PRUNE2: variants seen among roughly 807,000 people sequenced by gnomAD.
PRUNE2 encodes protein prune homolog 2.
PRUNE2 carries 164 observed loss-of-function variants against 252.0 expected under a neutral mutation model. That is an observed-to-expected ratio of 0.65 (90% CI 0.57 to 0.74). The LOEUF (loss-of-function observed/expected upper bound fraction) is 0.74, where lower values mean the gene tolerates loss of function less well. Among genes scored for constraint, PRUNE2 ranks in the 30% least tolerant of loss-of-function variants. The probability of loss-of-function intolerance (pLI) is 0.00; values close to 1 mark genes in which losing one functional copy is unlikely to be tolerated. For missense variants in PRUNE2, 3,495 were observed against 3,711.0 expected, an observed-to-expected ratio of 0.94 and a Z score of 1.51; for synonymous variants, 1,292 against 1,350.2, an observed-to-expected ratio of 0.96 and a Z score of 0.94.
intron 9 of PRUNE2, among the ~76,000 whole-genome samples, chr9:76,657,775 G>T (rs1849787454): frequency 6.6e-6 from 1 of 152,182 alleles, no homozygotes; most frequent in Non-Finnish European, 1.5e-5. Context: ...TATGTGTCAT[G>T]GTTGGACAAA....
chr9:76,691,747 T>C (rs936547533), intron 9 of PRUNE2, among the ~76,000 whole-genome samples: 2 of 152,176 alleles, frequency 1.3e-5, no homozygotes. Context: ...CTTTTATTTT[T>C]CTCTCTCCAT....
chr9:76,803,843 C>T (rs1264644536), intron 6 of PRUNE2, among the ~76,000 whole-genome samples: 1 of 152,130 alleles, frequency 6.6e-6, no homozygotes, highest in Non-Finnish European at 1.5e-5. Context: ...GTCTGTTCTT[C>T]GCAGGTGTTT....
At chr9:76,834,390 T>C (rs2058841350) in intron 4 of PRUNE2, among the ~76,000 whole-genome samples, 2 of 152,220 alleles carry the variant, frequency 1.3e-5, no homozygotes, top group Admixed American at 1.3e-4. Flanking sequence ...TTTAGCAAGT[T>C]TGCTGCATTA....
Position 76,617,286 on chromosome 9 carries a change from G to A in PRUNE2, c.9236+2054C>T, listed in dbSNP as rs12683607. Reference sequence around the variant, plus strand: ...TCTGAGGAAAATGAGAGGCCACTACGATAACAGCACACACTCCATCTTATT... The same window carrying A: ...TCTGAGGAAAATGAGAGGCCACTACAATAACAGCACACACTCCATCTTATT... On this transcript the variant is annotated intron_variant, in intron 18 of 18. Coordinates refer to ENST00000376718, the MANE Select transcript of PRUNE2 (RefSeq NM_015225.3). 3.2e-3 allele frequency among the ~76,000 whole-genome samples: 487 copies of A among 152,190 alleles called. 8 individuals carry two copies. Among genetic ancestry groups the A allele is most frequent in the East Asian group, 0.031 (161 of 5,176 alleles).
intron 6 of PRUNE2, among the ~76,000 whole-genome samples, chr9:76,762,762 A>G (rs2051874767): frequency 6.6e-6 from 1 of 152,192 alleles, no homozygotes; most frequent in Admixed American, 6.5e-5. Context: ...CGCCATGAGC[A>G]TGGCTGTGGA....
chr9:76,631,882 T>C (rs1837799496), intron 15 of PRUNE2, among the ~76,000 whole-genome samples: 1 of 152,242 alleles, frequency 6.6e-6, no homozygotes, highest in African/African-American at 2.4e-5. Flanking sequence ...AGCTCCCACT[T>C]ATAAGTGAGA....
intron 9 of PRUNE2, chr9:76,691,870 C>A: frequency 1.8e-6 from 1 of 566,264 alleles, no homozygotes; most frequent in Admixed American, 3.3e-5. Context: ...ACAAGCTTTT[C>A]TAGGATGAGT....
chr9:76,746,711 CAAAAAAAAAAAAAAA>C (rs57001696), intron 6 of PRUNE2, among the ~76,000 whole-genome samples: 3 of 76,132 alleles, frequency 3.9e-5, no homozygotes, highest in East Asian at 4.4e-4. Context: ...GACTCCGTCT[CAAAAAAAAAAAAAAA>C]AAAAAAAAAA....
At chr9:76,659,301 G>A (rs10869791) in intron 9 of PRUNE2, among the ~76,000 whole-genome samples, 40,778 of 151,996 alleles carry the variant, frequency 0.27, 6,101 homozygotes, top group East Asian at 0.42. Context: ...CCTGATTTGG[G>A]TAACCAATTT....
At chr9:76,616,048 A>T (rs962601109) in intron 18 of PRUNE2, among the ~76,000 whole-genome samples, 1 of 106,650 alleles carries the variant, frequency 9.4e-6, no homozygotes, top group African/African-American at 3.9e-5. Flanking sequence ...GATTACAGGC[A>T]TGAGCCAGCA....
At chr9:76,719,886 A>T (rs2047478921) in intron 6 of PRUNE2, among the ~76,000 whole-genome samples, 1 of 152,072 alleles carries the variant, frequency 6.6e-6, no homozygotes, top group Non-Finnish European at 1.5e-5. Context: ...ACTTCAAATG[A>T]TCCTCCCACC....
At chr9:76,638,624 G>A (rs1280518600) in intron 12 of PRUNE2, among the ~76,000 whole-genome samples, 6 of 152,178 alleles carry the variant, frequency 3.9e-5, no homozygotes, top group African/African-American at 1.4e-4. Flanking sequence ...GAGGGGGCAA[G>A]ACTGACCTAA....
Position 76,741,657 on chromosome 9 carries a change from T to C in PRUNE2, c.757-27936A>G, listed in dbSNP as rs12377180. Among the ~76,000 whole-genome samples, 683 of 152,304 alleles carry C rather than the reference T, an allele frequency of 4.5e-3. 3 individuals carry two copies. Among genetic ancestry groups the C allele is most frequent in the Non-Finnish European group, 6.2e-3 (424 of 68,022 alleles). On this transcript the variant is annotated intron_variant, in intron 6 of 18. Coordinates refer to ENST00000376718, the MANE Select transcript of PRUNE2 (RefSeq NM_015225.3). The stretch of plus-strand genomic sequence containing the variant: ...GCTTACCATCAAACGCCTCCATTTA[T>C]CAAAACACCTCAGCTGACAGAAGAA...
chr9:76,729,299 A>G (rs539195901), intron 6 of PRUNE2, among the ~76,000 whole-genome samples: 10 of 152,308 alleles, frequency 6.6e-5, no homozygotes, highest in African/African-American at 2.2e-4. Flanking sequence ...CCCCACTTCT[A>G]GCGTTTCTGA....
Position 76,660,140 on chromosome 9 carries a change from C to G in PRUNE2, c.8277-4638G>C, listed in dbSNP as rs1850716546. Among the ~76,000 whole-genome samples the G allele has an allele frequency of 2.0e-5, 3 of 152,090 alleles. No individual in the cohort carries two copies. In the South Asian group the frequency reaches 6.2e-4, roughly 31 times the overall value. ...AGAAATAAAGAGTTATTATAGAAGG[C>G]TGATAAAAACCTAGCACACAGGGTT... On this transcript the variant is annotated intron_variant, in intron 9 of 18. Transcript: ENST00000376718.
chr9:76,871,969 A>T lies in PRUNE2; in HGVS notation c.37-17761T>A, dbSNP rs574231790. On this transcript the variant is annotated intron_variant, in intron 1 of 18. Transcript: ENST00000376718. ...TCTTAAAATTACGCTGTAGATAGTGACATTGTAAAAAATGAAAATAGTCAA... is the reference window on the plus strand; with the variant it reads ...TCTTAAAATTACGCTGTAGATAGTGTCATTGTAAAAAATGAAAATAGTCAA... Among the ~76,000 whole-genome samples, 5 of 152,306 alleles carry T rather than the reference A, an allele frequency of 3.3e-5. No individual in the cohort carries two copies. In the East Asian group the frequency reaches 9.7e-4, roughly 29 times the overall value.
chr9:76,687,888 C>T (rs976161801), intron 9 of PRUNE2, among the ~76,000 whole-genome samples: 20 of 152,154 alleles, frequency 1.3e-4, no homozygotes, highest in African/African-American at 4.8e-4. Flanking sequence ...CCTCCAGATG[C>T]GGGGGTAGAG....
chr9:76,825,051 G>A (rs1029171149), intron 5 of PRUNE2, among the ~76,000 whole-genome samples: 6 of 151,902 alleles, frequency 3.9e-5, no homozygotes, highest in African/African-American at 7.3e-5. Context: ...CCATCCCAGT[G>A]CACCCAGCAT....
chr9:76,680,788 C>T (rs1466479716), intron 9 of PRUNE2, among the ~76,000 whole-genome samples: 1 of 152,170 alleles, frequency 6.6e-6, no homozygotes, highest in South Asian at 2.1e-4. Context: ...AACTTACAAT[C>T]ACGACTGAAA....
Sources: allele counts gnomAD v4.1 joint callset (sites outside exome capture counted in the v4.1 genomes callset), GRCh38; gene constraint gnomAD v4.1.1; transcripts MANE v1.5; gene names NCBI Gene and HGNC (gene_info 2026-07-23, HGNC 2026-07-21).